Variants in LAMB4 observed in about 807,000 individuals in gnomAD.
LAMB4 encodes the protein laminin subunit beta-4.
A neutral mutation model predicts 199.2 loss-of-function variants in LAMB4; 196 were observed. The observed-to-expected ratio is 0.98, with a 90% CI of 0.88 to 1.11. The LOEUF is 1.11. Ranked by LOEUF, LAMB4 falls within the 50% of genes least tolerant of loss-of-function variation. The pLI is 0.00. For synonymous variants in LAMB4, 744 were observed against 770.6 expected, an observed-to-expected ratio of 0.97 and a Z score of 0.57; for missense variants, 2,080 against 2,171.2, an observed-to-expected ratio of 0.96 and a Z score of 0.83.
intron 23 of LAMB4, among the ~76,000 whole-genome samples, chr7:108,061,230 C>A (rs1489149994): frequency 1.3e-5 from 2 of 152,088 alleles, no homozygotes; most frequent in African/African-American, 4.8e-5. Context: ...TCTGAATGGA[C>A]TCCTGGAACA....
chr7:108,065,823 A>G lies in LAMB4; in HGVS notation c.2775T>C (p.His925=), dbSNP rs1563060416. ...DDPSSNQYFA[H]SCYQNLWSSD... ...AGCTCCACAGATTCTGATAACAGGA[A>G]TGGGCAAAATACTGATTGCTTGAGG... is the stretch of plus-strand genomic sequence containing the variant. The change falls in exon 21 of 34, where the codon CAT becomes CAC. Residue 925 remains histidine, a synonymous_variant. Coordinates refer to ENST00000388781, the MANE Select transcript of LAMB4 (RefSeq NM_007356.3). The G allele has an allele frequency of 1.2e-5, 19 of 1,614,146 alleles. No individual in the cohort carries two copies. Among genetic ancestry groups the G allele is most frequent in the Non-Finnish European group, 1.6e-5 (19 of 1,179,962 alleles).
chr7:108,059,167 G>A (rs1388285954), intron 23 of LAMB4, among the ~76,000 whole-genome samples: 5 of 142,320 alleles, frequency 3.5e-5, no homozygotes, highest in African/African-American at 1.1e-4. Flanking sequence ...GTGCAGTGGC[G>A]TGATCTCCAC....
Position 108,043,752 on chromosome 7 carries a change from C to G in LAMB4, c.4471G>C (p.Glu1491Gln). 6.4e-7 allele frequency: 1 copy of G among 1,556,430 alleles called. No individual in the cohort carries two copies. ...GTCCTAATATATATTTTTAAATTAC[C>G]TAACAAAAAGTTTTTCACTTTTTTG... ...FIKKVKNFLL[E>Q]ENVPPEDIEK... is the part of the protein sequence containing the mutation. Residue 1491 changes from glutamate (E) to glutamine (Q), a missense_variant and splice_region_variant, in exon 29 of 34, where the codon GAG (glutamate) becomes CAG (glutamine). By Grantham distance (29) the Glu-to-Gln change is conservative. Coordinates refer to ENST00000388781, the MANE Select transcript of LAMB4 (RefSeq NM_007356.3).
chr7:108,047,234 C>A (rs1004371280), intron 28 of LAMB4, among the ~76,000 whole-genome samples: 7 of 152,126 alleles, frequency 4.6e-5, no homozygotes, highest in African/African-American at 1.7e-4. Context: ...CAGGTTGGAA[C>A]TGCACACGCC....
chr7:108,012,001 A>G, the LAMB4 span, among the ~76,000 whole-genome samples: 1 of 151,838 alleles, frequency 6.6e-6, no homozygotes, highest in Non-Finnish European at 1.5e-5. Flanking sequence ...ATATGAATAA[A>G]GTTCTAGAAG....
the LAMB4 span, among the ~76,000 whole-genome samples, chr7:108,014,722 T>G: frequency 7.3e-3 from 1,109 of 151,616 alleles, 9 homozygotes; most frequent in African/African-American, 0.024. Flanking sequence ...GGTTGTTGTT[T>G]TTTTTTTTTT....
At chr7:108,058,542 G>A (rs1469629560) in intron 23 of LAMB4, among the ~76,000 whole-genome samples, 8 of 152,184 alleles carry the variant, frequency 5.3e-5, no homozygotes, top group Admixed American at 4.6e-4. Flanking sequence ...AAATATAAAA[G>A]CAAATCACTA....
At chr7:108,112,795 G>C (rs567114372) in intron 3 of LAMB4, among the ~76,000 whole-genome samples, 40 of 152,160 alleles carry the variant, frequency 2.6e-4, no homozygotes, top group Non-Finnish European at 5.4e-4. Flanking sequence ...TCTGGGAAGC[G>C]GGGGCTGATC....
chr7:108,056,486 G>C (rs532355088), intron 24 of LAMB4, among the ~76,000 whole-genome samples: 3 of 152,182 alleles, frequency 2.0e-5, no homozygotes, highest in African/African-American at 7.2e-5. Context: ...CAAAAAGGAG[G>C]GGAAATTAAA....
intron 25 of LAMB4, 77 bp downstream of exon 25, chr7:108,055,555 G>A: frequency 7.1e-6 from 10 of 1,401,602 alleles, no homozygotes; most frequent in Non-Finnish European, 9.8e-6. Context: ...TAAATTGAAG[G>A]CTGACGATGT....
downstream of LAMB4, among the ~76,000 whole-genome samples, chr7:108,022,545 C>G (rs145515674): frequency 1.4e-3 from 216 of 152,278 alleles, no homozygotes; most frequent in African/African-American, 5.1e-3. Flanking sequence ...AATGATTTAT[C>G]TGGCATTACT....
intron 23 of LAMB4, among the ~76,000 whole-genome samples, chr7:108,059,337 T>C (rs1206420576): frequency 1.3e-5 from 2 of 152,062 alleles, no homozygotes; most frequent in African/African-American, 4.8e-5. Flanking sequence ...CCCATTGTTA[T>C]GTGTCCTTAC....
intron 12 of LAMB4, among the ~76,000 whole-genome samples, chr7:108,094,179 A>G (rs945000190): frequency 2.0e-5 from 3 of 152,214 alleles, no homozygotes; most frequent in African/African-American, 7.2e-5. Flanking sequence ...CTGCACACGT[A>G]GCAGTTAACC....
intron 33 of LAMB4, among the ~76,000 whole-genome samples, chr7:108,026,294 A>T (rs1335739950): frequency 1.3e-5 from 2 of 152,174 alleles, no homozygotes; most frequent in African/African-American, 4.8e-5. Flanking sequence ...GACTGGCTTT[A>T]TAAGTTGTTT....
At chr7:108,085,595 TA>T (rs1324852095) in intron 14 of LAMB4, among the ~76,000 whole-genome samples, 1 of 152,068 alleles carries the variant, frequency 6.6e-6, no homozygotes, top group Non-Finnish European at 1.5e-5. Flanking sequence ...TCTGCATTGT[TA>T]TTTTTTTATT....
intron 30 of LAMB4, among the ~76,000 whole-genome samples, chr7:108,037,027 G>T (rs1365518394): frequency 6.6e-6 from 1 of 151,870 alleles, no homozygotes; most frequent in Non-Finnish European, 1.5e-5. Context: ...AGTAAACTTA[G>T]AAAATACCAA....
At chr7:108,111,163 C>T (rs778052293) in intron 4 of LAMB4, among the ~76,000 whole-genome samples, 2 of 152,178 alleles carry the variant, frequency 1.3e-5, no homozygotes, top group Non-Finnish European at 2.9e-5. Flanking sequence ...GATGGACATA[C>T]ATTTGGGCAC....
intron 23 of LAMB4, 99 bp from the exon 24 acceptor site, chr7:108,058,027 T>C: frequency 1.3e-6 from 1 of 792,106 alleles, no homozygotes; most frequent in South Asian, 1.5e-5. Context: ...AATTAGAACA[T>C]ACAGCTGTGC....
In LAMB4 at chr7:108,095,220, A is replaced by G. The variant is rs2037549946; in HGVS notation, c.1470+8T>C. 2 of 1,600,908 alleles carry G rather than the reference A, an allele frequency of 1.2e-6. No homozygotes were observed. The highest frequency in any genetic ancestry group is 1.7e-6 in the Non-Finnish European group (2 of 1,168,454). ...TATAGAAAAGGGAAACTATAGGCAA[A>G]TACATACAGTGCATTCTTCGCAGTG... On this transcript the variant is annotated splice_region_variant and intron_variant, in intron 12 of 33. Coordinates refer to ENST00000388781, the MANE Select transcript of LAMB4 (RefSeq NM_007356.3).
Sources: allele counts gnomAD v4.1 joint callset (sites outside exome capture counted in the v4.1 genomes callset), GRCh38; gene constraint gnomAD v4.1.1; transcripts MANE v1.5; gene names NCBI Gene and HGNC (gene_info 2026-07-23, HGNC 2026-07-21).